PARG: variants seen among roughly 807,000 people sequenced by gnomAD.
PARG encodes mitochondrial poly(ADP-ribose) glycohydrolase.
Under a neutral mutation model 113.0 loss-of-function variants are expected in PARG, and 35 were observed. The observed-to-expected ratio is 0.31, with a 90% CI of 0.24 to 0.41. PARG has a LOEUF of 0.41. PARG is among the 10% of genes least tolerant of loss of function. PARG has a pLI of 1.00. For synonymous variants in PARG, 330 were observed against 409.9 expected (o/e 0.81, Z 2.36); for missense variants, 797 against 1,169.4 (o/e 0.68, Z 4.64).
intron 6 of PARG, among the ~76,000 whole-genome samples, chr10:49,920,678 T>C (rs1387023716): frequency 2.0e-5 from 3 of 150,692 alleles, no homozygotes; most frequent in East Asian, 1.9e-4. Context: ...TATTTAGTTG[T>C]ATGTTTGCAT....
At position 49,857,468 on chromosome 10, in the gene PARG, T is replaced by C. The variant is rs782525298; in HGVS notation, c.2206-15A>G. On this transcript the variant is annotated splice_polypyrimidine_tract_variant and intron_variant, in intron 12 of 17. Coordinates refer to ENST00000616448, the MANE Select transcript of PARG (RefSeq NM_003631.5). ...GCAAAATCCACCTGTTGGGGAAATG[T>C]GACATATTAAATAATGGTCAAAAAT... 4 of 1,609,760 alleles carry C rather than the reference T, an allele frequency of 2.5e-6. No homozygotes were observed. Among genetic ancestry groups the C allele is most frequent in the East Asian group, 2.2e-5 (1 of 44,808 alleles).
chr10:49,821,053 G>A (rs548401605), intron 16 of PARG, among the ~76,000 whole-genome samples: 14 of 152,144 alleles, frequency 9.2e-5, no homozygotes, highest in African/African-American at 3.4e-4. Flanking sequence ...AATGGGCTGG[G>A]GAGCACACCT....
At chr10:49,825,014 G>A (rs1160820124) in intron 16 of PARG, among the ~76,000 whole-genome samples, 3 of 151,998 alleles carry the variant, frequency 2.0e-5, no homozygotes, top group Non-Finnish European at 4.4e-5. Flanking sequence ...TGCTGTCAAG[G>A]AGGCCAAAAT....
At chr10:49,822,583 T>A (rs1227830814) in intron 16 of PARG, among the ~76,000 whole-genome samples, 1 of 152,156 alleles carries the variant, frequency 6.6e-6, no homozygotes, top group African/African-American at 2.4e-5. Context: ...GGAACATCCT[T>A]TCTTTGCAAC....
intron 7 of PARG, among the ~76,000 whole-genome samples, chr10:49,892,070 C>T (rs193070460): frequency 4.5e-3 from 688 of 152,036 alleles, no homozygotes; most frequent in East Asian, 0.018. Context: ...GTGGGTGGAT[C>T]AACTATGTTC....
At chr10:49,887,275 C>A (rs1337676123) in intron 7 of PARG, among the ~76,000 whole-genome samples, 2 of 152,114 alleles carry the variant, frequency 1.3e-5, no homozygotes, top group East Asian at 3.8e-4. Context: ...TACCTCTCAC[C>A]CAGTTTCTCT....
intron 13 of PARG, among the ~76,000 whole-genome samples, chr10:49,855,863 G>GA (rs71271525): frequency 0.17 from 20,130 of 119,922 alleles, 2,103 homozygotes; most frequent in Non-Finnish European, 0.24. Flanking sequence ...ACTTTTTCAG[G>GA]AAAAAAAAAT....
chr10:49,911,086 C>T (rs2813009), intron 7 of PARG, among the ~76,000 whole-genome samples: 1 of 152,002 alleles, frequency 6.6e-6, no homozygotes, highest in African/African-American at 2.4e-5. Context: ...AGTTCGAGAC[C>T]AGCCTGACCA....
At chr10:49,921,106 T>A (rs1312605691) in intron 6 of PARG, among the ~76,000 whole-genome samples, 3 of 151,814 alleles carry the variant, frequency 2.0e-5, no homozygotes, top group African/African-American at 7.3e-5. Context: ...GTCTAAGGAG[T>A]GGAAAAGGAT....
intron 7 of PARG, among the ~76,000 whole-genome samples, chr10:49,904,667 C>T (rs527430680): frequency 3.6e-4 from 55 of 151,742 alleles, no homozygotes; most frequent in Admixed American, 9.2e-4. Context: ...GTAATCCCAG[C>T]ACTTTGGGAG....
At chr10:49,938,814 C>T (rs1339831969) in intron 1 of PARG, among the ~76,000 whole-genome samples, 4 of 151,990 alleles carry the variant, frequency 2.6e-5, no homozygotes, top group South Asian at 2.1e-4. Context: ...ATATCCATTT[C>T]GCTACCCCGC....
chr10:49,925,874 T>C (rs562521583), intron 4 of PARG, among the ~76,000 whole-genome samples: 2 of 152,376 alleles, frequency 1.3e-5, no homozygotes, highest in African/African-American at 4.8e-5. Context: ...GCAATTTTAC[T>C]TCTGCACAGA....
At chr10:49,880,084 A>T (rs1847142094) in intron 8 of PARG, among the ~76,000 whole-genome samples, 3 of 151,996 alleles carry the variant, frequency 2.0e-5, no homozygotes, top group Admixed American at 2.0e-4. Flanking sequence ...AACATTACTT[A>T]TTAGTGAAAA....
intron 16 of PARG, among the ~76,000 whole-genome samples, chr10:49,821,068 C>T (rs2132339013): frequency 6.6e-6 from 1 of 152,180 alleles, no homozygotes; most frequent in African/African-American, 2.4e-5. Flanking sequence ...ACACCTGCGT[C>T]CCTCCTGCAC....
At chr10:49,910,778 T>C (rs1554846033) in intron 7 of PARG, among the ~76,000 whole-genome samples, 1 of 152,192 alleles carries the variant, frequency 6.6e-6, no homozygotes, top group South Asian at 2.1e-4. Context: ...ATTGTGAATA[T>C]TCAAAAAGTA....
At chr10:49,850,721 A>G (rs1246383608) in intron 13 of PARG, among the ~76,000 whole-genome samples, 2 of 152,176 alleles carry the variant, frequency 1.3e-5, no homozygotes, top group Non-Finnish European at 2.9e-5. Context: ...TAAAATATCA[A>G]TTATCATGTT....
At chr10:49,837,412 AC>A (rs1844998334) in intron 15 of PARG, among the ~76,000 whole-genome samples, 1 of 151,456 alleles carries the variant, frequency 6.6e-6, no homozygotes, top group Non-Finnish European at 1.5e-5. Flanking sequence ...ACACACACAC[AC>A]ACACAAGCAG....
rs376493707 is a variant in PARG at position 49,929,155 on chromosome 10, T to C, written c.1455+2945A>G. ...AGAGATGGTAGATATTAGAGAGATATAATGACGGTACAGGATGGTTTGGGT... is the reference window on the plus strand; with the variant it reads ...AGAGATGGTAGATATTAGAGAGATACAATGACGGTACAGGATGGTTTGGGT... On this transcript the variant is annotated intron_variant, in intron 4 of 17. Coordinates refer to ENST00000616448, the MANE Select transcript of PARG (RefSeq NM_003631.5). Among the ~76,000 whole-genome samples, 4 of 151,364 alleles carry C rather than the reference T, an allele frequency of 2.6e-5. No homozygotes were observed. In the East Asian group the frequency reaches 7.7e-4, roughly 29 times the overall value.
chr10:49,851,164 A>G (rs1588897321), intron 13 of PARG, among the ~76,000 whole-genome samples: 1 of 151,770 alleles, frequency 6.6e-6, no homozygotes, highest in East Asian at 1.9e-4. Context: ...AAACATGGTT[A>G]TTTTCCCTTA....
Sources: allele counts gnomAD v4.1 joint callset (sites outside exome capture counted in the v4.1 genomes callset), GRCh38; gene constraint gnomAD v4.1.1; transcripts MANE v1.5; gene names NCBI Gene and HGNC (gene_info 2026-07-23, HGNC 2026-07-21).